The following REPS2 variants were observed in gnomAD, a reference collection of about 807,000 sequenced individuals.
The protein encoded by REPS2 is ralBP1-associated Eps domain-containing protein 2.
Under a neutral mutation model 53.6 loss-of-function variants are expected in REPS2, and 23 were observed. The observed-to-expected ratio is 0.43, with a 90% CI of 0.31 to 0.61. REPS2 has a LOEUF of 0.61. REPS2 is among the 20% of genes least tolerant of loss of function. The probability of loss-of-function intolerance (pLI) is 0.11; values close to 1 mark genes in which losing one functional copy is unlikely to be tolerated. For missense variants in REPS2, 446 were observed against 534.9 expected, an observed-to-expected ratio of 0.83 and a Z score of 1.64; for synonymous variants, 238 against 218.6, an observed-to-expected ratio of 1.09 and a Z score of -0.78.
intron 2 of REPS2, among the ~76,000 whole-genome samples, chrX:17,008,505 G>A (rs1015812903): frequency 8.9e-6 from 1 of 111,845 alleles, no homozygotes; most frequent in African/African-American, 3.3e-5. Flanking sequence ...TATAAACCCA[G>A]TTGCTGCCTT....
Position 17,149,094 on chromosome X carries a change from GGATTTTGAATT to G in REPS2, c.*1623_*1633del, listed in dbSNP as rs1214398924. ...TTGAATCTATTCCGTGCATATTTAA[GGATTTTGAATT>G]GATTTTGAAAATCATGAAACTTGAA... On this transcript the variant is annotated 3_prime_UTR_variant, in exon 18 of 18. Transcript: ENST00000357277. 3.5e-6 allele frequency: 1 copy of G among 281,714 alleles called. No homozygotes were observed. Among genetic ancestry groups the G allele is most frequent in the Non-Finnish European group, 6.8e-6 (1 of 147,261 alleles). The allele number at this position is 281,714 out of a possible 1,213,427, so 23.2% of individuals were successfully genotyped here.
At chrX:17,052,914 A>G (rs965560782) in intron 7 of REPS2, among the ~76,000 whole-genome samples, 3 of 111,690 alleles carry the variant, frequency 2.7e-5, no homozygotes, top group Non-Finnish European at 5.6e-5. Context: ...GAGCTTTGCA[A>G]ATTTGGCTGG....
rs1323601795 is a variant in REPS2 at position 17,025,006 on chromosome X, C to T, written c.547-53C>T. The T allele has an allele frequency of 2.5e-6, 3 of 1,208,709 alleles. No homozygotes were observed. The South Asian group carries it at 5.3e-5, about 21-fold the overall frequency. On this transcript the variant is annotated intron_variant, in intron 3 of 17. Coordinates refer to ENST00000357277, the MANE Select transcript of REPS2 (RefSeq NM_004726.3). ...TGCGTTATGCTTCCTGACTGCAGCT[C>T]AGAACGCCAGGCTTGAGTGAGCGCC...
chrX:17,154,231 G>T (rs915933860), downstream of REPS2, among the ~76,000 whole-genome samples: 3 of 112,149 alleles, frequency 2.7e-5, no homozygotes, highest in Admixed American at 9.4e-5. Flanking sequence ...TCAGAGCAAA[G>T]GCTAATTGTG....
chrX:17,175,133 C>T, the REPS2 span, among the ~76,000 whole-genome samples: 394 of 112,875 alleles, frequency 3.5e-3, 1 homozygote, highest in African/African-American at 0.012. Context: ...CTTTCTCCTA[C>T]GCTTGAGAAA....
chrX:17,041,107 T>C (rs1232923582), intron 5 of REPS2, among the ~76,000 whole-genome samples: 1 of 111,913 alleles, frequency 8.9e-6, no homozygotes, highest in East Asian at 2.8e-4. Context: ...CAGAGCTCCT[T>C]CTGTCCTGTC....
intron 17 of REPS2, among the ~76,000 whole-genome samples, chrX:17,146,429 C>T (rs1000558711): frequency 2.7e-5 from 3 of 111,440 alleles, no homozygotes; most frequent in African/African-American, 9.8e-5. Flanking sequence ...CTCTGAGAAG[C>T]CTTCCCAGGG....
At chrX:17,050,137 T>TCTCC (rs2061962871) in intron 6 of REPS2, among the ~76,000 whole-genome samples, 1 of 48,985 alleles carries the variant, frequency 2.0e-5, no homozygotes, top group Non-Finnish European at 3.8e-5. Context: ...TTTCTTCCTT[T>TCTCC]CTTCCTTTCT....
chrX:16,972,954 G>C (rs1477530519), intron 1 of REPS2, among the ~76,000 whole-genome samples: 1 of 111,336 alleles, frequency 9.0e-6, no homozygotes, highest in Non-Finnish European at 1.9e-5. Context: ...TTTTTCCACT[G>C]GTGGTCTATT....
rs928538533 is a variant in REPS2 at position 17,039,346 on chromosome X, C to T, written c.772-8001C>T. 1.1e-4 allele frequency among the ~76,000 whole-genome samples: 12 copies of T among 112,204 alleles called. No individual in the cohort carries two copies. In the East Asian group the frequency reaches 2.0e-3, roughly 18 times the overall value. ...CTTATGTTAATCAAAATACTGTTAG[C>T]GCCACATACTGCAATCACAGTAAAA... On this transcript the variant is annotated intron_variant, in intron 5 of 17. Transcript: ENST00000357277.
the REPS2 span, among the ~76,000 whole-genome samples, chrX:17,189,922 G>A: frequency 8.9e-6 from 1 of 112,098 alleles, no homozygotes; most frequent in African/African-American, 3.2e-5. Context: ...ATGGCGGACA[G>A]GTATTGTGTG....
At chrX:17,141,748 CTAAT>C (rs752476312) in intron 17 of REPS2, among the ~76,000 whole-genome samples, 32 of 112,392 alleles carry the variant, frequency 2.8e-4, no homozygotes, top group Non-Finnish European at 4.9e-4. Context: ...TCCTTGCTGA[CTAAT>C]TATGTTGTCC....
At chrX:17,170,514 T>G in the REPS2 span, among the ~76,000 whole-genome samples, 1 of 112,442 alleles carries the variant, frequency 8.9e-6, no homozygotes, top group East Asian at 2.8e-4. Flanking sequence ...CATCCGAAGG[T>G]TCTTTTAAAG....
intron 1 of REPS2, among the ~76,000 whole-genome samples, chrX:16,951,540 CACACACACACACACACA>C (rs2060507850): frequency 3.6e-5 from 2 of 54,851 alleles, no homozygotes; most frequent in Admixed American, 6.5e-4. Flanking sequence ...CACACACACA[CACACACACACACACACA>C]CACCCCCGCT....
At chrX:17,192,617 A>C in the REPS2 span, among the ~76,000 whole-genome samples, 1 of 111,521 alleles carries the variant, frequency 9.0e-6, no homozygotes, top group Non-Finnish European at 1.9e-5. Flanking sequence ...TGAAACTTTA[A>C]AATTTTTGGT....
At chrX:16,997,918 C>T (rs1476777008) in intron 1 of REPS2, among the ~76,000 whole-genome samples, 1 of 111,803 alleles carries the variant, frequency 8.9e-6, no homozygotes, top group Non-Finnish European at 1.9e-5. Context: ...TGGTTCATGA[C>T]TGTAATCCTA....
In REPS2 at chrX:17,047,052, G is replaced by A. The variant is rs773842133; in HGVS notation, c.772-295G>A. Among the ~76,000 whole-genome samples, 3 of 112,392 alleles carry A rather than the reference G, an allele frequency of 2.7e-5. No homozygotes were observed. The South Asian group carries it at 1.1e-3, about 41-fold the overall frequency. On this transcript the variant is annotated intron_variant, in intron 5 of 17. Coordinates refer to ENST00000357277, the MANE Select transcript of REPS2 (RefSeq NM_004726.3). ...GTGAGGAATAGTGGAAAATAAGAAT[G>A]ATCATCTTTTTTTAAACCCTTTATT...
the REPS2 span, among the ~76,000 whole-genome samples, chrX:17,161,464 C>T: frequency 9.0e-6 from 1 of 111,397 alleles, no homozygotes; most frequent in African/African-American, 3.3e-5. Context: ...CCATAAGGAA[C>T]TGAGAAAGGT....
At chrX:17,077,140 T>G (rs911730256) in intron 12 of REPS2, 131 bp from the exon 13 acceptor site, 28 of 678,826 alleles carry the variant, frequency 4.1e-5, no homozygotes, top group Non-Finnish European at 2.8e-5. Context: ...GGTAATAGAA[T>G]TTATGGCTGC....
Sources: gnomAD v4.1 joint callset for allele counts (sites outside exome capture counted in the v4.1 genomes callset) on GRCh38, gnomAD v4.1.1 for gene constraint, MANE v1.5 for transcripts, NCBI Gene and HGNC (gene_info 2026-07-23, HGNC 2026-07-21) for gene names.